Variants in CDYL observed in about 807,000 individuals in gnomAD.
CDYL encodes chromodomain Y like, also known as chromodomain Y-like protein.
Under a neutral mutation model 47.3 loss-of-function variants are expected in CDYL, and 8 were observed. The observed-to-expected ratio is 0.17, with a 90% confidence interval of 0.10 to 0.31. The LOEUF is 0.31. CDYL is among the 10% of genes least tolerant of loss of function. The probability of loss-of-function intolerance (pLI) is 1.00; values close to 1 mark genes in which losing one functional copy is unlikely to be tolerated. For synonymous variants in CDYL, 266 were observed against 265.0 expected (o/e 1.00, Z -0.04); for missense variants, 471 against 701.4 (o/e 0.67, Z 3.71).
intron 1 of CDYL, among the ~76,000 whole-genome samples, chr6:4,816,669 A>G (rs1209025185): frequency 2.0e-5 from 3 of 151,532 alleles, no homozygotes; most frequent in Non-Finnish European, 4.4e-5. Flanking sequence ...TTGTATTTTT[A>G]GTAGAGACGG....
chr6:4,911,546 A>AG (rs1757416853), intron 2 of CDYL, among the ~76,000 whole-genome samples: 2 of 152,182 alleles, frequency 1.3e-5, no homozygotes, highest in African/African-American at 4.8e-5. Context: ...TGTTTGCTAA[A>AG]GGGGGTCCTT....
chr6:4,922,614 C>G (rs748567148), intron 2 of CDYL, among the ~76,000 whole-genome samples: 4 of 152,214 alleles, frequency 2.6e-5, no homozygotes, highest in Admixed American at 1.3e-4. Context: ...GAGCTCCCTG[C>G]TGGTTGCCAG....
chr6:4,744,321 T>G (rs1301160924), intron 3 of CDYL, among the ~76,000 whole-genome samples: 1 of 152,142 alleles, frequency 6.6e-6, no homozygotes. Context: ...AGTAAAACCC[T>G]GTCCCTACAA....
chr6:4,950,415 GCA>G (rs1453040285), intron 5 of CDYL, among the ~76,000 whole-genome samples: 2 of 152,190 alleles, frequency 1.3e-5, no homozygotes, highest in African/African-American at 4.8e-5. Context: ...AATGAAAGAA[GCA>G]CAGTCTATGA....
intron 1 of CDYL, among the ~76,000 whole-genome samples, chr6:4,829,400 CAAACA>C (rs1051824264): frequency 4.6e-5 from 7 of 152,246 alleles, no homozygotes; most frequent in East Asian, 3.9e-4. Flanking sequence ...TGGAGCTAAG[CAAACA>C]AAACAAAACA....
At chr6:4,810,883 A>G (rs1759508930) in intron 1 of CDYL, among the ~76,000 whole-genome samples, 1 of 152,242 alleles carries the variant, frequency 6.6e-6, no homozygotes, top group Non-Finnish European at 1.5e-5. Context: ...ACCTTTTAGT[A>G]CCATCATACT....
chr6:4,759,742 G>C (rs575757983), intron 3 of CDYL, among the ~76,000 whole-genome samples: 2 of 151,170 alleles, frequency 1.3e-5, no homozygotes, highest in South Asian at 2.1e-4. Flanking sequence ...AGCCGGGCGT[G>C]GGGGTGTGTG....
chr6:4,925,480 C>T (rs561746264), intron 2 of CDYL, among the ~76,000 whole-genome samples: 5 of 137,680 alleles, frequency 3.6e-5, no homozygotes, highest in South Asian at 2.3e-4. Context: ...GGCACGATCT[C>T]GGCTCACTGC....
chr6:4,838,412 C>T (rs1267976688), intron 1 of CDYL, among the ~76,000 whole-genome samples: 1 of 151,748 alleles, frequency 6.6e-6, no homozygotes, highest in Non-Finnish European at 1.5e-5. Flanking sequence ...GTTTGGTTTT[C>T]CATTCCTGAG....
intron 2 of CDYL, among the ~76,000 whole-genome samples, chr6:4,730,016 A>G (rs1261774982): frequency 2.6e-5 from 4 of 152,212 alleles, no homozygotes; most frequent in African/African-American, 4.8e-5. Context: ...CTTATAAGAA[A>G]TATATTTTTT....
chr6:4,719,421 T>TC (rs1231127740), intron 2 of CDYL, among the ~76,000 whole-genome samples: 1 of 152,108 alleles, frequency 6.6e-6, no homozygotes, highest in Non-Finnish European at 1.5e-5. Flanking sequence ...TCACCTTCCC[T>TC]CCCCTCTAAG....
chr6:4,905,004 CAG>C (rs1757185689), intron 2 of CDYL, among the ~76,000 whole-genome samples: 1 of 152,194 alleles, frequency 6.6e-6, no homozygotes, highest in African/African-American at 2.4e-5. Flanking sequence ...CTGCTGATCT[CAG>C]AGACAGCATT....
chr6:4,853,083 C>T (rs1760899394), intron 1 of CDYL, among the ~76,000 whole-genome samples: 1 of 152,192 alleles, frequency 6.6e-6, no homozygotes, highest in Non-Finnish European at 1.5e-5. Flanking sequence ...GTCACGGTGC[C>T]TAGCTCCTTT....
chr6:4,717,527 T>C (rs1414046818), intron 2 of CDYL, among the ~76,000 whole-genome samples: 3 of 149,676 alleles, frequency 2.0e-5, no homozygotes, highest in East Asian at 2.0e-4. Flanking sequence ...TGAGGCTCCA[T>C]CTCTAAAAAA....
At chr6:4,739,821 C>T (rs537982844) in intron 3 of CDYL, among the ~76,000 whole-genome samples, 23 of 151,926 alleles carry the variant, frequency 1.5e-4, no homozygotes, top group South Asian at 4.1e-4. Flanking sequence ...GGCATGGTGG[C>T]GCATGCCTGT....
chr6:4,746,087 T>A (rs1757891391), intron 3 of CDYL, among the ~76,000 whole-genome samples: 1 of 151,764 alleles, frequency 6.6e-6, no homozygotes, highest in South Asian at 2.1e-4. Flanking sequence ...TCTAGCTGGC[T>A]GGGCGCGGTG....
chr6:4,797,186 C>T (rs1759095776), intron 1 of CDYL, among the ~76,000 whole-genome samples: 2 of 151,886 alleles, frequency 1.3e-5, no homozygotes, highest in Admixed American at 6.6e-5. Flanking sequence ...TAATTTATAT[C>T]CATCTTTCTT....
At chr6:4,837,880 CCCAATA>C (rs1310394301) in intron 1 of CDYL, among the ~76,000 whole-genome samples, 1 of 152,008 alleles carries the variant, frequency 6.6e-6, no homozygotes, top group Non-Finnish European at 1.5e-5. Context: ...CTCAAGTGAT[CCCAATA>C]CCTCATCCTC....
At chr6:4,884,168 A>G (rs143399904) in intron 1 of CDYL, among the ~76,000 whole-genome samples, 58 of 152,334 alleles carry the variant, frequency 3.8e-4, no homozygotes, top group African/African-American at 1.1e-3. Flanking sequence ...AGTTCGTGCA[A>G]TTGCTAACAC....
Sources: gnomAD v4.1 joint callset for allele counts (sites outside exome capture counted in the v4.1 genomes callset) on GRCh38, gnomAD v4.1.1 for gene constraint, MANE v1.5 for transcripts, NCBI Gene and HGNC (gene_info 2026-07-23, HGNC 2026-07-21) for gene names.